The following PAPPA2 variants were observed in gnomAD, a reference collection of about 807,000 sequenced individuals.
The protein encoded by PAPPA2 is pappalysin-2.
A neutral mutation model predicts 176.4 loss-of-function variants in PAPPA2; 86 were observed. That is an observed-to-expected ratio of 0.49 (90% CI 0.41 to 0.58). PAPPA2 has a LOEUF of 0.58. Among genes scored for constraint, PAPPA2 ranks in the 20% least tolerant of loss-of-function variants. The pLI is 0.00. For synonymous variants in PAPPA2, 809 were observed against 852.2 expected (o/e 0.95, Z 0.88); for missense variants, 2,073 against 2,256.9 (o/e 0.92, Z 1.65).
At chr1:176,802,365 G>A (rs768462733) in intron 21 of PAPPA2, among the ~76,000 whole-genome samples, 2 of 152,046 alleles carry the variant, frequency 1.3e-5, no homozygotes, top group Non-Finnish European at 2.9e-5. Context: ...GCAAAGAGGC[G>A]GGTGAAAATG....
intron 21 of PAPPA2, among the ~76,000 whole-genome samples, chr1:176,804,913 TTTC>T (rs58867157): frequency 0.027 from 4,145 of 152,176 alleles, 207 homozygotes; most frequent in African/African-American, 0.095. Context: ...TAAAGTGTAC[TTTC>T]TTCCCAGCAT....
chr1:176,827,728 C>T (rs1248410963), intron 21 of PAPPA2, among the ~76,000 whole-genome samples: 1 of 152,112 alleles, frequency 6.6e-6, no homozygotes, highest in African/African-American at 2.4e-5. Context: ...ACCCAGGAAC[C>T]TTCTGTGGTG....
chr1:176,776,356 G>C (rs765800292), intron 17 of PAPPA2, among the ~76,000 whole-genome samples: 11 of 152,164 alleles, frequency 7.2e-5, no homozygotes, highest in Non-Finnish European at 1.5e-4. Flanking sequence ...GATGCCATCT[G>C]TGGGGTGCTA....
At chr1:176,690,095 T>C (rs576270116) in intron 4 of PAPPA2, 42 bp from the exon 5 acceptor site, 1 of 1,504,618 alleles carries the variant, frequency 6.6e-7, no homozygotes, top group East Asian at 2.3e-5. Context: ...GGAGAGCTAT[T>C]CATTCTGTGC....
intron 21 of PAPPA2, among the ~76,000 whole-genome samples, chr1:176,838,051 G>A (rs1304609492): frequency 2.0e-5 from 3 of 151,936 alleles, no homozygotes; most frequent in Admixed American, 6.6e-5. Context: ...TATAAACTTC[G>A]TTCTCTTTCC....
intron 2 of PAPPA2, among the ~76,000 whole-genome samples, chr1:176,562,935 A>G (rs1345618950): frequency 6.6e-6 from 1 of 152,168 alleles, no homozygotes; most frequent in Non-Finnish European, 1.5e-5. Context: ...CCTATGGGAA[A>G]GTAATTTTCT....
At chr1:176,739,904 G>A in intron 13 of PAPPA2, 76 bp from the exon 14 acceptor site, 2 of 1,579,582 alleles carry the variant, frequency 1.3e-6, no homozygotes, top group Non-Finnish European at 1.7e-6. Context: ...CTATTAAGAG[G>A]ATAAAATGAA....
In PAPPA2 at chr1:176,702,491, T is replaced by C. The variant is rs985742896; in HGVS notation, c.3237-116T>C. The C allele has an allele frequency of 7.0e-6, 10 of 1,437,000 alleles. No individual in the cohort carries two copies. The African/African-American group carries it at 1.1e-4, about 16-fold the overall frequency. 89.0% of individuals were successfully genotyped at this position (1,437,000 alleles called of 1,614,324 possible). A position where few individuals can be genotyped will look rare whatever the true frequency, so the allele number is the denominator to read the frequency against. On this transcript the variant is annotated intron_variant, in intron 8 of 22. Coordinates refer to ENST00000367662, the MANE Select transcript of PAPPA2 (RefSeq NM_020318.3). Reference sequence around the variant, plus strand: ...TTGTTTTAGACAATGCAGCGTATGTTTAACCTTTATGTTTCCCATAATATT... The same window carrying C: ...TTGTTTTAGACAATGCAGCGTATGTCTAACCTTTATGTTTCCCATAATATT...
intron 3 of PAPPA2, among the ~76,000 whole-genome samples, chr1:176,597,634 G>T (rs2102654814): frequency 6.6e-6 from 1 of 152,194 alleles, no homozygotes; most frequent in Admixed American, 6.5e-5. Flanking sequence ...GTGTACCTAT[G>T]TAACAAACCT....
intron 1 of PAPPA2, among the ~76,000 whole-genome samples, chr1:176,487,243 A>G (rs1438446017): frequency 2.0e-5 from 3 of 152,160 alleles, no homozygotes; most frequent in African/African-American, 7.2e-5. Context: ...ATCTTGACCA[A>G]AGTCTACCCT....
intron 2 of PAPPA2, among the ~76,000 whole-genome samples, chr1:176,581,570 A>T (rs997200053): frequency 3.9e-5 from 6 of 152,112 alleles, no homozygotes; most frequent in Non-Finnish European, 8.8e-5. Context: ...CATTTTCACA[A>T]TATTCTTTAA....
chr1:176,695,460 A>C (rs1442516422), intron 6 of PAPPA2, among the ~76,000 whole-genome samples: 2 of 152,176 alleles, frequency 1.3e-5, no homozygotes, highest in South Asian at 4.2e-4. Context: ...TACTGTTCCT[A>C]GGACAGAAAA....
chr1:176,830,101 G>T (rs1571390437), intron 21 of PAPPA2, among the ~76,000 whole-genome samples: 1 of 152,164 alleles, frequency 6.6e-6, no homozygotes, highest in African/African-American at 2.4e-5. Context: ...GGGCATGGTG[G>T]TTTATACCTG....
intron 3 of PAPPA2, chr1:176,616,737 C>G: frequency 7.4e-7 from 1 of 1,345,212 alleles, no homozygotes; most frequent in African/African-American, 1.4e-5. Flanking sequence ...AATAGGAAAT[C>G]TCATGTTCTT....
intron 20 of PAPPA2, among the ~76,000 whole-genome samples, chr1:176,796,675 CTT>C (rs1665452309): frequency 7.2e-6 from 1 of 139,124 alleles, no homozygotes. Flanking sequence ...CTTTCTTTCT[CTT>C]TTTCTTTTTC....
intron 2 of PAPPA2, among the ~76,000 whole-genome samples, chr1:176,569,730 T>C (rs1290743221): frequency 6.6e-6 from 1 of 152,182 alleles, no homozygotes; most frequent in Non-Finnish European, 1.5e-5. Flanking sequence ...ACCTAGTGCT[T>C]TGTGAGTTAA....
intron 1 of PAPPA2, among the ~76,000 whole-genome samples, chr1:176,468,230 C>G (rs533533428): frequency 2.0e-4 from 31 of 152,286 alleles, no homozygotes; most frequent in South Asian, 1.4e-3. Context: ...TCTGACATTC[C>G]TCCCTCAAAA....
chr1:176,620,017 C>T (rs2102690084), intron 3 of PAPPA2, among the ~76,000 whole-genome samples: 1 of 152,258 alleles, frequency 6.6e-6, no homozygotes, highest in African/African-American at 2.4e-5. Flanking sequence ...GCTTATAAGC[C>T]ACAGACATTT....
At chr1:176,478,655 C>T (rs1652248059) in intron 1 of PAPPA2, among the ~76,000 whole-genome samples, 1 of 152,208 alleles carries the variant, frequency 6.6e-6, no homozygotes, top group Non-Finnish European at 1.5e-5. Flanking sequence ...GAGTATTGTG[C>T]CACAATGTTC....
Sources: allele counts gnomAD v4.1 joint callset (sites outside exome capture counted in the v4.1 genomes callset), GRCh38; gene constraint gnomAD v4.1.1; transcripts MANE v1.5; gene names NCBI Gene and HGNC (gene_info 2026-07-23, HGNC 2026-07-21).